Variants in DRC9 observed in about 807,000 individuals in gnomAD.
DRC9 encodes dynein regulatory complex protein 9.
At chr3:197,948,378 A>C in the DRC9 span, among the ~76,000 whole-genome samples, 1 of 152,330 alleles carries the variant, frequency 6.6e-6, no homozygotes, top group East Asian at 1.9e-4. Flanking sequence ...TCATGCCACT[A>C]CTTTCCCGCA....
chr3:197,916,857 A>G, the DRC9 span, among the ~76,000 whole-genome samples: 5 of 151,734 alleles, frequency 3.3e-5, no homozygotes, highest in African/African-American at 1.2e-4. Context: ...GTTGGGCCAC[A>G]CACAAAATAC....
chr3:197,912,705 C>T, the DRC9 span: 1 of 1,614,088 alleles, frequency 6.2e-7, no homozygotes, highest in Admixed American at 1.7e-5. Context: ...ACATTTCAAT[C>T]TCTGTATGAG....
At chr3:197,897,770 C>CTTTTT in the DRC9 span, among the ~76,000 whole-genome samples, 2 of 126,378 alleles carry the variant, frequency 1.6e-5, no homozygotes, top group Non-Finnish European at 3.3e-5. Flanking sequence ...AAGCATAAAC[C>CTTTTT]TTTTTTTTTT....
At chr3:197,889,404 C>T in the DRC9 span, 1 of 718,630 alleles carries the variant, frequency 1.4e-6, no homozygotes, top group Admixed American at 2.7e-5. Flanking sequence ...GGTTTGAAAA[C>T]CCACCTAACA....
At chr3:197,913,672 G>A in the DRC9 span, 6 of 632,508 alleles carry the variant, frequency 9.5e-6, no homozygotes, top group Admixed American at 2.7e-5. Flanking sequence ...ATTATGAGGC[G>A]GGAGATGGAG....
At chr3:197,889,667 A>C in the DRC9 span, 1 of 1,614,150 alleles carries the variant, frequency 6.2e-7, no homozygotes, top group Non-Finnish European at 8.5e-7. Context: ...GCATCTTGAA[A>C]CCACCAATTT....
At chr3:197,944,099 A>G in the DRC9 span, 3 of 1,552,906 alleles carry the variant, frequency 1.9e-6, no homozygotes, top group Non-Finnish European at 2.6e-6. Context: ...ATATTTAAAC[A>G]TTACTTTAAC....
chr3:197,936,745 C>T, the DRC9 span, among the ~76,000 whole-genome samples: 1 of 152,034 alleles, frequency 6.6e-6, no homozygotes, highest in African/African-American at 2.4e-5. Flanking sequence ...GTGAATATAC[C>T]CTGGGTTTCA....
chr3:197,949,769 G>T, the DRC9 span: 33 of 323,208 alleles, frequency 1.0e-4, no homozygotes, highest in African/African-American at 5.7e-4. Flanking sequence ...TAGGATCCCA[G>T]AATTTCCGTT....
the DRC9 span, chr3:197,945,687 C>A: frequency 3.2e-6 from 4 of 1,262,640 alleles, no homozygotes; most frequent in Non-Finnish European, 3.4e-6. Context: ...GTGCAGTTAC[C>A]TAAAATGGGA....
chr3:197,926,610 G>C, the DRC9 span, among the ~76,000 whole-genome samples: 1 of 152,126 alleles, frequency 6.6e-6, no homozygotes. Flanking sequence ...AGTCAGCAAG[G>C]GTCCCGGCTT....
chr3:197,924,009 A>C, the DRC9 span, among the ~76,000 whole-genome samples: 4 of 151,522 alleles, frequency 2.6e-5, no homozygotes, highest in Non-Finnish European at 5.9e-5. Flanking sequence ...AATGAACTAT[A>C]ATTGTGCCAT....
chr3:197,913,112 C>G, the DRC9 span: 1 of 197,408 alleles, frequency 5.1e-6, no homozygotes, highest in East Asian at 1.5e-4. Context: ...GCGAGGAGTC[C>G]TCCCACACAC....
chr3:197,939,697 T>C, the DRC9 span, among the ~76,000 whole-genome samples: 1 of 152,132 alleles, frequency 6.6e-6, no homozygotes, highest in East Asian at 1.9e-4. Context: ...TTTTAGATTT[T>C]GCCTAAGGCA....
the DRC9 span, among the ~76,000 whole-genome samples, chr3:197,908,045 C>T: frequency 2.1e-4 from 28 of 134,488 alleles, no homozygotes; most frequent in African/African-American, 7.3e-4. Flanking sequence ...GTGTGAAGAG[C>T]GAGCAACCCT....
At chr3:197,913,937 C>A in the DRC9 span, 3 of 1,614,106 alleles carry the variant, frequency 1.9e-6, no homozygotes, top group East Asian at 2.2e-5. Context: ...TGGGTCTGGG[C>A]AATCTGCAGC....
chr3:197,946,082 G>A, the DRC9 span, among the ~76,000 whole-genome samples: 1 of 152,140 alleles, frequency 6.6e-6, no homozygotes, highest in Admixed American at 6.5e-5. Flanking sequence ...TTCTCTGCCA[G>A]ATAACAGAAT....
the DRC9 span, among the ~76,000 whole-genome samples, chr3:197,890,404 CAAA>C: frequency 3.2e-5 from 4 of 123,948 alleles, no homozygotes; most frequent in Non-Finnish European, 5.3e-5. Flanking sequence ...GATGCTGTCT[CAAA>C]AAAAAAAAAA....
the DRC9 span, among the ~76,000 whole-genome samples, chr3:197,894,007 T>C: frequency 6.6e-6 from 1 of 152,092 alleles, no homozygotes; most frequent in Non-Finnish European, 1.5e-5. Flanking sequence ...ATGAAAGAGA[T>C]ATATTAAGAA....
Sources: allele counts gnomAD v4.1 joint callset (sites outside exome capture counted in the v4.1 genomes callset), GRCh38; gene constraint gnomAD v4.1.1; transcripts MANE v1.5; gene names NCBI Gene and HGNC (gene_info 2026-07-23, HGNC 2026-07-21).